The following SF1 variants were observed in gnomAD, a reference collection of about 807,000 sequenced individuals.
The protein encoded by SF1 is branch point-binding protein.
In SF1, 7 loss-of-function variants were observed where a neutral mutation model predicts 62.5. The observed-to-expected ratio is 0.11, with a 90% CI of 0.06 to 0.21. The LOEUF (loss-of-function observed/expected upper bound fraction) is 0.21, where lower values mean the gene tolerates loss of function less well. SF1 is among the 10% of genes least tolerant of loss of function. The pLI is 1.00. For synonymous variants in SF1, 394 were observed against 323.6 expected (o/e 1.22, Z -2.33); for missense variants, 578 against 884.0 (o/e 0.65, Z 4.39).
intron 10 of SF1, 109 bp from the exon 11 acceptor site, chr11:64,767,360 C>T (rs934759986): frequency 1.7e-6 from 2 of 1,203,746 alleles, no homozygotes; most frequent in African/African-American, 1.5e-5. Context: ...GAAAACCATG[C>T]CTGTAAAAGG....
intron 3 of SF1, among the ~76,000 whole-genome samples, chr11:64,771,265 A>G (rs1938279252): frequency 6.6e-6 from 1 of 152,226 alleles, no homozygotes; most frequent in African/African-American, 2.4e-5. Context: ...ATGTAATGAT[A>G]AAATGGTCAG....
intron 3 of SF1, chr11:64,772,479 A>T: frequency 1.0e-6 from 1 of 985,188 alleles, no homozygotes; most frequent in Non-Finnish European, 1.2e-6. Flanking sequence ...GGGCGGAAGA[A>T]AGATGCATGA....
chr11:64,765,539 G>A lies in SF1; in HGVS notation c.*279C>T, dbSNP rs767972657. On this transcript the variant is annotated 3_prime_UTR_variant, in exon 13 of 13. Coordinates refer to ENST00000377390, the MANE Select transcript of SF1 (RefSeq NM_004630.4). ...GGATCCTGGCGGCCCGGTTTGGGGA[G>A]AGGCAAAGGGAGTTGGGTGAGGAGA... 5.6e-6 allele frequency: 9 copies of A among 1,598,286 alleles called. No homozygotes were observed. The South Asian group carries it at 1.0e-4, about 18-fold the overall frequency.
chr11:64,770,561 G>T, intron 3 of SF1, 153 bp from the exon 4 acceptor site: 1 of 764,444 alleles, frequency 1.3e-6, no homozygotes, highest in African/African-American at 1.7e-5. Flanking sequence ...TCAAGATCGT[G>T]TGGAATGGGG....
chr11:64,773,331 T>A, intron 3 of SF1, 99 bp downstream of exon 3: 3 of 1,540,902 alleles, frequency 1.9e-6, no homozygotes, highest in Non-Finnish European at 2.6e-6. Flanking sequence ...GTCGTCATAC[T>A]ATGATTTTAT....
At chr11:64,766,697 C>T in intron 12 of SF1, 1 of 475,174 alleles carries the variant, frequency 2.1e-6, no homozygotes, top group East Asian at 3.3e-5. Context: ...GAACCTCTCC[C>T]CAGACACAAC....
At chr11:64,767,437 C>A (rs2058758527) in intron 10 of SF1, 134 bp downstream of exon 10, 2 of 1,112,088 alleles carry the variant, frequency 1.8e-6, no homozygotes, top group South Asian at 1.5e-5. Context: ...CCTTCCAGAG[C>A]CACAACCCTG....
intron 3 of SF1, chr11:64,772,162 A>AG (rs1938425283): frequency 1.0e-6 from 1 of 985,250 alleles, no homozygotes; most frequent in Admixed American, 6.1e-5. Flanking sequence ...GGCATCGGCT[A>AG]GATCAACTAA....
intron 3 of SF1, chr11:64,773,054 C>T (rs1319458461): frequency 9.2e-7 from 1 of 1,083,512 alleles, no homozygotes; most frequent in Non-Finnish European, 1.1e-6. Context: ...TTAGTCCCTG[C>T]ACTGTGTACC....
Position 64,777,551 on chromosome 11 carries a change from G to C in SF1, c.31+811C>G, listed in dbSNP as rs1475529809. ...TGTAGAAGCAGAGGAGCTATCCTTG[G>C]TACGGTTCCCATTCTGGTTCCTCAA... On this transcript the variant is annotated intron_variant, in intron 1 of 12. Coordinates refer to ENST00000377390, the MANE Select transcript of SF1 (RefSeq NM_004630.4). 4.1e-6 allele frequency: 4 copies of C among 985,296 alleles called. No individual in the cohort carries two copies. In the East Asian group the frequency reaches 3.4e-4, roughly 84 times the overall value. The allele number at this position is 985,296 out of a possible 1,614,324, so 61.0% of individuals were successfully genotyped here. A position where few individuals can be genotyped will look rare whatever the true frequency, so the allele number is the denominator to read the frequency against.
intron 10 of SF1, 159 bp downstream of exon 10, chr11:64,767,412 G>T: frequency 9.7e-7 from 1 of 1,034,906 alleles, no homozygotes; most frequent in Non-Finnish European, 1.5e-6. Context: ...CCCTGAACCA[G>T]AATGGAGTCT....
At chr11:64,770,778 C>T (rs1938192763) in intron 3 of SF1, 1 of 175,606 alleles carries the variant, frequency 5.7e-6, no homozygotes, top group Non-Finnish European at 1.2e-5. Context: ...ATACATATCC[C>T]AACTTTATGA....
chr11:64,772,825 G>A lies in SF1; in HGVS notation c.236+605C>T. On this transcript the variant is annotated intron_variant, in intron 3 of 12. Coordinates refer to ENST00000377390, the MANE Select transcript of SF1 (RefSeq NM_004630.4). ...AAGGAAAAAAAAAAAGTAATTTAGG[G>A]TTGGTTGCATGCCTTCCCAAAATAG... is the stretch of plus-strand genomic sequence containing the variant. 3.0e-6 allele frequency: 3 copies of A among 985,376 alleles called. No individual in the cohort carries two copies. The African/African-American group carries it at 5.2e-5, about 17-fold the overall frequency. The allele number at this position is 985,376 out of a possible 1,614,324, so 61.0% of individuals were successfully genotyped here.
intron 3 of SF1, 199 bp downstream of exon 3, chr11:64,773,231 A>G (rs1028503784): frequency 1.4e-6 from 2 of 1,386,030 alleles, no homozygotes; most frequent in Non-Finnish European, 1.9e-6. Context: ...TATTCTCCCA[A>G]CATTTTTAAG....
Position 64,774,938 on chromosome 11 carries a change from C to A in SF1, c.161-1433G>T, listed in dbSNP as rs542704993. Among the ~76,000 whole-genome samples the A allele has an allele frequency of 1.3e-3, 184 of 145,798 alleles. 1 individual carries two copies. Among genetic ancestry groups the A allele is most frequent in the African/African-American group, 4.6e-3 (178 of 38,962 alleles). On this transcript the variant is annotated intron_variant, in intron 2 of 12. Coordinates refer to ENST00000377390, the MANE Select transcript of SF1 (RefSeq NM_004630.4). ...ATCGCACCACTACACTCCAGCCTGG[C>A]GACACAGCAAGACTCAGTCTCTCAA...
At chr11:64,777,276 G>T (rs992797008) in intron 1 of SF1, among the ~76,000 whole-genome samples, 1 of 152,038 alleles carries the variant, frequency 6.6e-6, no homozygotes, top group African/African-American at 2.4e-5. Flanking sequence ...TCCTTTCCCC[G>T]TACATAGGCA....
rs1258962153 is a variant in SF1 at position 64,765,974 on chromosome 11, T to C, written c.1764A>G (p.Pro588=). The C allele has an allele frequency of 9.0e-6, 12 of 1,328,844 alleles. No homozygotes were observed. In the East Asian group the frequency reaches 1.6e-4, roughly 18 times the overall value. The allele number at this position is 1,328,844 out of a possible 1,614,324, so 82.3% of individuals were successfully genotyped here. A position where few individuals can be genotyped will look rare whatever the true frequency, so the allele number is the denominator to read the frequency against. ...ACATCATGCCGGCGGAACCAGGCGG[T>C]GGAGGCGGCGGAGGGGGAGGGGCCC... ...PPGAPPPPPP[P]PPGSAGMMYA... The change falls in exon 13 of 13, where the codon CCA becomes CCG. Residue 588 remains proline (P), a synonymous_variant. Transcript: ENST00000377390.
chr11:64,775,195 G>T (rs747109072), intron 2 of SF1, among the ~76,000 whole-genome samples: 1 of 151,586 alleles, frequency 6.6e-6, no homozygotes, highest in Admixed American at 6.6e-5. Context: ...AAATAAAAAG[G>T]GTCATTCTCT....
chr11:64,777,826 T>A, intron 1 of SF1: 1 of 907,950 alleles, frequency 1.1e-6, no homozygotes, highest in Non-Finnish European at 1.3e-6. Flanking sequence ...CTCGAGGCCC[T>A]AGAACCAGGC....
Sources: allele counts gnomAD v4.1 joint callset (sites outside exome capture counted in the v4.1 genomes callset), GRCh38; gene constraint gnomAD v4.1.1; transcripts MANE v1.5; gene names NCBI Gene and HGNC (gene_info 2026-07-23, HGNC 2026-07-21).